Variants in PI4KA observed in about 807,000 individuals in gnomAD.
The protein encoded by PI4KA is PI4-kinase alpha.
PI4KA carries 122 observed loss-of-function variants against 271.4 expected under a neutral mutation model. The observed-to-expected ratio is 0.45, with a 90% confidence interval of 0.39 to 0.52. PI4KA has a LOEUF of 0.52. Among genes scored for constraint, PI4KA ranks in the 20% least tolerant of loss-of-function variants. The pLI is 0.00. For synonymous variants in PI4KA, 1,041 were observed against 1,078.8 expected, an observed-to-expected ratio of 0.96 and a Z score of 0.69; for missense variants, 1,969 against 2,769.1, an observed-to-expected ratio of 0.71 and a Z score of 6.48.
In PI4KA at chr22:20,834,518, G is replaced by A. The variant is rs771083010; in HGVS notation, c.367+44C>T. The A allele has an allele frequency of 1.1e-5, 12 of 1,111,720 alleles. No homozygotes were observed. In the South Asian group the frequency reaches 1.4e-4, roughly 13 times the overall value. 68.9% of individuals were successfully genotyped at this position (1,111,720 alleles called of 1,614,324 possible). On this transcript the variant is annotated intron_variant, in intron 3 of 54. Coordinates refer to ENST00000255882, the MANE Select transcript of PI4KA (RefSeq NM_058004.4). ...ACTTGATCCTACAGACACTGAACATGTGTATTTTCTCTTATATTCAGGGAA... is the reference window on the plus strand; with the variant it reads ...ACTTGATCCTACAGACACTGAACATATGTATTTTCTCTTATATTCAGGGAA...
chr22:20,820,142 A>C (rs1460726194), intron 5 of PI4KA, among the ~76,000 whole-genome samples: 2 of 152,214 alleles, frequency 1.3e-5, no homozygotes, highest in African/African-American at 4.8e-5. Context: ...GAAGGTCTTC[A>C]TCTATTCATG....
intron 12 of PI4KA, 71 bp from the exon 13 acceptor site, chr22:20,803,391 G>A (rs1030451874): frequency 6.3e-7 from 1 of 1,582,688 alleles, no homozygotes; most frequent in Non-Finnish European, 8.7e-7. Context: ...GAGCAGGGAG[G>A]TGCTCAACCC....
At chr22:20,783,210 C>T (rs2147500736) in intron 19 of PI4KA, among the ~76,000 whole-genome samples, 1 of 152,268 alleles carries the variant, frequency 6.6e-6, no homozygotes, top group Middle Eastern at 3.4e-3. Context: ...GCACTGTCCC[C>T]ATATCTACAG....
chr22:20,759,406 T>TC lies in PI4KA; in HGVS notation c.2791+1897_2791+1898insG, dbSNP rs200115985. Among the ~76,000 whole-genome samples, 853 of 135,234 alleles carry TC rather than the reference T, an allele frequency of 6.3e-3. 8 individuals are homozygous for TC. The highest frequency in any genetic ancestry group is 0.022 in the African/African-American group (753 of 34,770). 88.7% of individuals were successfully genotyped at this position (135,234 alleles called of 152,430 possible). ...TTTTTCTTTTTCTTTTCTTTTCTTT[T>TC]TTTTTTTTTTTTTTTTTGAGACAGA... On this transcript the variant is annotated intron_variant, in intron 23 of 54. Coordinates refer to ENST00000255882, the MANE Select transcript of PI4KA (RefSeq NM_058004.4).
chr22:20,821,124 T>C (rs1190459034), intron 4 of PI4KA, among the ~76,000 whole-genome samples: 1 of 152,176 alleles, frequency 6.6e-6, no homozygotes, highest in Non-Finnish European at 1.5e-5. Flanking sequence ...TCATCACAGA[T>C]TCTACACTTC....
chr22:20,765,274 G>A, intron 20 of PI4KA, 38 bp from the exon 21 acceptor site: 1 of 1,569,736 alleles, frequency 6.4e-7, no homozygotes, highest in African/African-American at 1.3e-5. Flanking sequence ...AATCACCTTG[G>A]TCGGAAAGCA....
chr22:20,789,391 A>G (rs962271421), intron 19 of PI4KA, among the ~76,000 whole-genome samples: 3 of 152,166 alleles, frequency 2.0e-5, no homozygotes, highest in Non-Finnish European at 4.4e-5. Flanking sequence ...GTGCAATGGC[A>G]CAATCCTGGC....
chr22:20,795,684 T>C (rs1934939843), intron 18 of PI4KA, among the ~76,000 whole-genome samples: 1 of 152,164 alleles, frequency 6.6e-6, no homozygotes, highest in South Asian at 2.1e-4. Flanking sequence ...ATGAATGTAT[T>C]TGGGGATTCA....
Position 20,819,867 on chromosome 22 carries a change from A to G in PI4KA, c.563T>C (p.Ile188Thr). ...ACGCCCAAATGCTCGCGAGATTCCT[A>G]TCAGGCATGGGATAGCATACTTGCA... is the stretch of plus-strand genomic sequence containing the variant. The part of the protein sequence containing the change: ...YLCKYAIPCL[I>T]GISRAFGRYS... The change falls in exon 6 of 55, where the codon ATA (isoleucine) becomes ACA (threonine). Residue 188 changes from isoleucine (I) to threonine (T), a missense_variant. Ile to Thr is a moderately conservative substitution (Grantham distance 89). Coordinates refer to ENST00000255882, the MANE Select transcript of PI4KA (RefSeq NM_058004.4). 6.2e-7 allele frequency: 1 copy of G among 1,614,022 alleles called. No homozygotes were observed. Among genetic ancestry groups the G allele is most frequent in the Non-Finnish European group, 8.5e-7 (1 of 1,179,834 alleles).
chr22:20,808,338 C>A (rs1236532096), intron 9 of PI4KA, among the ~76,000 whole-genome samples: 1 of 151,142 alleles, frequency 6.6e-6, no homozygotes, highest in East Asian at 2.0e-4. Flanking sequence ...GTAATCCCAG[C>A]ACTTTGGGAG....
At position 20,813,452 on chromosome 22, in the gene PI4KA, A is replaced by T. The variant is rs752196534; in HGVS notation, c.911T>A (p.Ile304Asn). 4 of 1,613,924 alleles carry T rather than the reference A, an allele frequency of 2.5e-6. No homozygotes were observed. In the South Asian group the frequency reaches 4.4e-5, roughly 18 times the overall value. The change falls in exon 8 of 55, where the codon ATC (isoleucine) becomes AAC (asparagine). Residue 304 changes from isoleucine to asparagine, a missense_variant. By Grantham distance (149) the Ile-to-Asn change is moderately radical (BLOSUM62 -3). Around this residue, in one of 13 missense-constraint regions of PI4KA, gnomAD observed 540 missense variants for 555.5 expected, o/e 0.97. Coordinates refer to ENST00000255882, the MANE Select transcript of PI4KA (RefSeq NM_058004.4). ...GGGAGAGACTGAGAAGCTGGAGCTG[A>T]TGGTTGAAAAGTAGTACTCAGGCTC... is the stretch of plus-strand genomic sequence containing the variant. Reference protein sequence around the residue: ...ALEPEYYFSTISSSFSVSPLF... With the variant: ...ALEPEYYFSTNSSSFSVSPLF...
intron 26 of PI4KA, 109 bp downstream of exon 26, chr22:20,751,565 G>T: frequency 9.5e-7 from 1 of 1,056,668 alleles, no homozygotes; most frequent in Non-Finnish European, 1.5e-6. Context: ...CATTAATTAT[G>T]TTCAGGCTTA....
intron 1 of PI4KA, among the ~76,000 whole-genome samples, chr22:20,847,634 C>G (rs1226089874): frequency 6.6e-6 from 1 of 152,092 alleles, no homozygotes; most frequent in Non-Finnish European, 1.5e-5. Flanking sequence ...GTAGTCCCAG[C>G]TACTTCAGAG....
chr22:20,772,162 G>GT (rs1291177001), intron 19 of PI4KA, among the ~76,000 whole-genome samples: 3 of 152,226 alleles, frequency 2.0e-5, no homozygotes, highest in East Asian at 1.9e-4. Flanking sequence ...TGCAGTAGGT[G>GT]TAACTGTCAC....
chr22:20,727,789 C>A lies in PI4KA; in HGVS notation c.4758G>T (p.Val1586=), dbSNP rs756345848. ...GCTACACTACCTTGATTGCTTCAGGCACATCACTAACGGCTCCCGGGTCCA... is the reference window on the plus strand; with the variant it reads ...GCTACACTACCTTGATTGCTTCAGGAACATCACTAACGGCTCCCGGGTCCA... ...VRLDPGAVSD[V]PEAIKFLVTW... The change falls in exon 40 of 55, where the codon GTG becomes GTT. Residue 1586 remains valine (V), a synonymous_variant. Transcript: ENST00000255882. 12 of 1,613,718 alleles carry A rather than the reference C, an allele frequency of 7.4e-6. No individual in the cohort carries two copies. The highest frequency in any genetic ancestry group is 1.0e-5 in the Non-Finnish European group (12 of 1,179,750).
intron 1 of PI4KA, among the ~76,000 whole-genome samples, chr22:20,855,442 A>G (rs1384671232): frequency 6.6e-6 from 1 of 152,186 alleles, no homozygotes; most frequent in African/African-American, 2.4e-5. Flanking sequence ...GGGGTCAGCC[A>G]CTTACAGAAG....
At chr22:20,733,589 G>A (rs1319393803) in intron 35 of PI4KA, 147 bp downstream of exon 35, 2 of 1,189,792 alleles carry the variant, frequency 1.7e-6, no homozygotes. Flanking sequence ...AAATCCACAG[G>A]GCCAGGGATA....
At chr22:20,779,131 T>C in intron 19 of PI4KA, 3 of 1,481,604 alleles carry the variant, frequency 2.0e-6, no homozygotes, top group Non-Finnish European at 2.7e-6. Flanking sequence ...GTTGGGTGTC[T>C]ATCTACATCA....
At position 20,730,001 on chromosome 22, in the gene PI4KA, G is replaced by A; in HGVS notation, c.4299C>T (p.Asp1433=). Residue 1433 remains aspartate (D), a synonymous_variant, in exon 37 of 55, where the codon GAC becomes GAT. Transcript: ENST00000255882. The part of the protein sequence containing the change: ...ASQLVPPDNQ[D]TRSNLDITVG... ...CAGTTATGTCCAGGTTGCTCCGGGT[G>A]TCCTGATTATCTGAGGGCAAACACA... 1 of 1,614,152 alleles carries A rather than the reference G, an allele frequency of 6.2e-7. No individual in the cohort carries two copies. Among genetic ancestry groups the A allele is most frequent in the Non-Finnish European group, 8.5e-7 (1 of 1,180,012 alleles).
Sources: allele counts gnomAD v4.1 joint callset (sites outside exome capture counted in the v4.1 genomes callset), GRCh38; gene constraint gnomAD v4.1.1; regional missense constraint gnomAD v4.1.1; transcripts MANE v1.5; gene names NCBI Gene and HGNC (gene_info 2026-07-23, HGNC 2026-07-21).